Variants in CHD2 observed in about 807,000 individuals in gnomAD.
CHD2 encodes the protein chromodomain helicase DNA binding protein 2, also known as ATP-dependent chromatin remodeler CHD2.
A neutral mutation model predicts 243.9 loss-of-function variants in CHD2; 28 were observed. The ratio of observed to expected loss-of-function variants is 0.11; its 90% CI spans 0.09 to 0.16. The LOEUF is 0.16. Ranked by LOEUF, CHD2 falls within the 10% of genes least tolerant of loss-of-function variation. The probability of loss-of-function intolerance (pLI) is 1.00; values close to 1 mark genes in which losing one functional copy is unlikely to be tolerated. For synonymous variants in CHD2, 775 were observed against 779.0 expected (o/e 0.99, Z 0.09); for missense variants, 1,386 against 2,209.8 (o/e 0.63, Z 7.47).
At chr15:92,986,858 G>C (rs2054050213) in intron 26 of CHD2, among the ~76,000 whole-genome samples, 1 of 152,008 alleles carries the variant, frequency 6.6e-6, no homozygotes, top group Admixed American at 6.6e-5. Context: ...CAGCCTCCCA[G>C]GTAGCCAGGT....
At chr15:92,930,395 G>A (rs1038612346) in intron 5 of CHD2, among the ~76,000 whole-genome samples, 4 of 151,942 alleles carry the variant, frequency 2.6e-5, no homozygotes, top group Non-Finnish European at 5.9e-5. Context: ...AATACATTGC[G>A]CTTACTCTGG....
At chr15:92,927,018 A>G (rs1028304420) in intron 3 of CHD2, among the ~76,000 whole-genome samples, 8 of 152,136 alleles carry the variant, frequency 5.3e-5, no homozygotes, top group African/African-American at 1.9e-4. Flanking sequence ...GCGGTGTACC[A>G]TATAGATTTA....
At chr15:92,933,968 A>G (rs894324857) in intron 5 of CHD2, among the ~76,000 whole-genome samples, 3 of 152,158 alleles carry the variant, frequency 2.0e-5, no homozygotes, top group Non-Finnish European at 2.9e-5. Flanking sequence ...GGGAATCCCT[A>G]TTAGCCTCAG....
chr15:92,945,586 C>CA (rs1402716871), intron 10 of CHD2: 1 of 215,936 alleles, frequency 4.6e-6, no homozygotes, highest in Non-Finnish European at 9.3e-6. Flanking sequence ...TTAGTAGAGA[C>CA]AGAGTTTCAC....
At chr15:92,934,402 ATT>A (rs1381026421) in intron 5 of CHD2, among the ~76,000 whole-genome samples, 1 of 142,774 alleles carries the variant, frequency 7.0e-6, no homozygotes, top group Non-Finnish European at 1.5e-5. Flanking sequence ...ATTTAGTTGA[ATT>A]ATGTGTTTTT....
chr15:92,905,329 TACAA>T (rs1355014663), intron 2 of CHD2, among the ~76,000 whole-genome samples: 3 of 152,322 alleles, frequency 2.0e-5, no homozygotes, highest in South Asian at 2.1e-4. Flanking sequence ...TGGAAACCTT[TACAA>T]GGATTTCTGG....
chr15:92,946,252 A>G, intron 12 of CHD2, 36 bp downstream of exon 12: 1 of 1,536,490 alleles, frequency 6.5e-7, no homozygotes, highest in Non-Finnish European at 8.9e-7. Flanking sequence ...TTTCAGGGAG[A>G]AGATATACTG....
rs1443127427 is a variant in CHD2 at position 92,910,103 on chromosome 15, C to T, written c.62+8804C>T. Among the ~76,000 whole-genome samples the T allele has an allele frequency of 2.0e-5, 3 of 152,080 alleles. No individual in the cohort carries two copies. The East Asian group carries it at 5.8e-4, about 29-fold the overall frequency. Reference sequence around the variant, plus strand: ...TTCACTGCAACCTCCACCCTCCAGGCTCAAGCAGTTCTCCTGCCTTAGCCT... The same window carrying T: ...TTCACTGCAACCTCCACCCTCCAGGTTCAAGCAGTTCTCCTGCCTTAGCCT... On this transcript the variant is annotated intron_variant, in intron 2 of 38. Coordinates refer to ENST00000394196, the MANE Select transcript of CHD2 (RefSeq NM_001271.4).
In CHD2 at chr15:92,983,671, G is replaced by A. The variant is rs142713197; in HGVS notation, c.3067-659G>A. 2.1e-3 allele frequency among the ~76,000 whole-genome samples: 327 copies of A among 152,100 alleles called. 2 individuals carry two copies. Among genetic ancestry groups the A allele is most frequent in the African/African-American group, 7.4e-3 (308 of 41,494 alleles). On this transcript the variant is annotated intron_variant, in intron 24 of 38. Transcript: ENST00000394196. ...ATACACTTAGATGGCTTTCTTTCTG[G>A]GATACCTACTGTTTTAGTACAAATA...
chr15:92,937,679 T>C, intron 6 of CHD2, 54 bp downstream of exon 6: 1 of 1,310,496 alleles, frequency 7.6e-7, no homozygotes, highest in Non-Finnish European at 1.1e-6. Context: ...TGCTGTAGAT[T>C]GGGAAGGATA....
chr15:92,909,997 T>A (rs938603939), intron 2 of CHD2, among the ~76,000 whole-genome samples: 3 of 151,814 alleles, frequency 2.0e-5, no homozygotes, highest in African/African-American at 2.4e-5. Context: ...TATACACATA[T>A]ATACATATAT....
chr15:93,023,065 G>A (rs1043939878), intron 38 of CHD2, among the ~76,000 whole-genome samples: 47 of 152,120 alleles, frequency 3.1e-4, no homozygotes, highest in African/African-American at 9.9e-4. Context: ...ATTTTAAAGC[G>A]AACAACTGAA....
At chr15:92,951,010 A>C (rs956733172) in intron 13 of CHD2, among the ~76,000 whole-genome samples, 3 of 152,186 alleles carry the variant, frequency 2.0e-5, no homozygotes, top group African/African-American at 7.2e-5. Context: ...AGTGGGACCT[A>C]ATTCATCTAA....
intron 19 of CHD2, among the ~76,000 whole-genome samples, chr15:92,973,379 T>G (rs1178075144): frequency 6.6e-6 from 1 of 152,222 alleles, no homozygotes; most frequent in East Asian, 1.9e-4. Context: ...CAATTTACCT[T>G]GTCTCTTGGC....
chr15:92,903,247 C>G (rs1426685320), intron 2 of CHD2, among the ~76,000 whole-genome samples: 1 of 152,168 alleles, frequency 6.6e-6, no homozygotes, highest in Non-Finnish European at 1.5e-5. Context: ...TTCTACTGAG[C>G]TGAACTGTCC....
In CHD2 at chr15:93,025,668, C is replaced by T. The variant is rs987639401; in HGVS notation, c.*963C>T. On this transcript the variant is annotated 3_prime_UTR_variant, in exon 39 of 39. Coordinates refer to ENST00000394196, the MANE Select transcript of CHD2 (RefSeq NM_001271.4). Reference sequence around the variant, plus strand: ...TGGAGAAGGGGATGCAGAGGCAGGCCTGCTGACCAACTTGTTGCAATCACA... The same window carrying T: ...TGGAGAAGGGGATGCAGAGGCAGGCTTGCTGACCAACTTGTTGCAATCACA... 1.3e-5 allele frequency: 2 copies of T among 152,280 alleles called. No homozygotes were observed. The highest frequency in any genetic ancestry group is 2.4e-5 in the African/African-American group (1 of 41,438). The allele number at this position is 152,280 out of a possible 1,614,324, so 9.4% of individuals were successfully genotyped here.
At chr15:92,962,562 A>G (rs570601144) in intron 16 of CHD2, among the ~76,000 whole-genome samples, 60 of 152,158 alleles carry the variant, frequency 3.9e-4, no homozygotes, top group Non-Finnish European at 7.2e-4. Flanking sequence ...TAGTCTTAGT[A>G]TGCTTTCTTT....
intron 37 of CHD2, among the ~76,000 whole-genome samples, chr15:93,019,512 A>G (rs183583825): frequency 1.3e-5 from 2 of 152,244 alleles, no homozygotes; most frequent in Non-Finnish European, 2.9e-5. Context: ...AAGAAGAAAG[A>G]AATTTAATGT....
chr15:92,997,254 T>C lies in CHD2; in HGVS notation c.3736T>C (p.Tyr1246His). 6.2e-7 allele frequency: 1 copy of C among 1,614,088 alleles called. No individual in the cohort carries two copies. The highest frequency in any genetic ancestry group is 8.5e-7 in the Non-Finnish European group (1 of 1,179,996). The change falls in exon 30 of 39, where the codon TAC becomes CAC. Residue 1246 changes from tyrosine (Y) to histidine (H), a missense_variant and splice_region_variant. Around this residue, in one of 19 missense-constraint regions of CHD2, gnomAD observed 99 missense variants for 176.9 expected, o/e 0.56. Coordinates refer to ENST00000394196, the MANE Select transcript of CHD2 (RefSeq NM_001271.4). This position sits in a 1 kb window ranked among gnomAD's most constrained non-coding sequence, Gnocchi z 4.1. ...TTCCTGTTTTTAAACTTTCTTTAGATACTGCTTAACCTGTCGTGTCAAAGC... is the reference window on the plus strand; with the variant it reads ...TTCCTGTTTTTAAACTTTCTTTAGACACTGCTTAACCTGTCGTGTCAAAGC... The part of the protein sequence containing the change: ...IPVDPEEKKK[Y>H]CLTCRVKAAH...
Sources: gnomAD v4.1 joint callset for allele counts (sites outside exome capture counted in the v4.1 genomes callset) on GRCh38, gnomAD v4.1.1 for gene constraint, gnomAD v4.1.1 regional missense constraint, Gnocchi (gnomAD v3.1) non-coding constraint, MANE v1.5 for transcripts, NCBI Gene and HGNC (gene_info 2026-07-23, HGNC 2026-07-21) for gene names.